Variants in FCAR observed in about 807,000 individuals in gnomAD.
FCAR encodes the protein Fc alpha receptor.
Under a neutral mutation model 27.1 loss-of-function variants are expected in FCAR, and 21 were observed. The observed-to-expected ratio is 0.77, with a 90% confidence interval of 0.55 to 1.11. FCAR has a LOEUF of 1.11. Among genes scored for constraint, FCAR ranks in the 50% most tolerant of loss-of-function variants. FCAR has a pLI of 0.00. For synonymous variants in FCAR, 134 were observed against 135.8 expected (o/e 0.99, Z 0.09); for missense variants, 404 against 358.4 (o/e 1.13, Z -1.03).
At chr19:54,876,440 T>C (rs1440347318) in intron 2 of FCAR, among the ~76,000 whole-genome samples, 2 of 152,206 alleles carry the variant, frequency 1.3e-5, no homozygotes, top group African/African-American at 2.4e-5. Context: ...CTTTTGCCCA[T>C]TCAATATGAT....
At chr19:54,880,118 G>A (rs1347856561) in intron 2 of FCAR, among the ~76,000 whole-genome samples, 1 of 152,192 alleles carries the variant, frequency 6.6e-6, no homozygotes, top group African/African-American at 2.4e-5. Flanking sequence ...TGACGTTGGG[G>A]AAGTTTTCAT....
intron 1 of FCAR, among the ~76,000 whole-genome samples, chr19:54,874,808 C>T (rs1250686361): frequency 1.3e-5 from 2 of 152,030 alleles, no homozygotes; most frequent in Non-Finnish European, 2.9e-5. Flanking sequence ...ATAATGTTGG[C>T]CTCATAGAAT....
chr19:54,889,812 G>A lies in FCAR; in HGVS notation c.813G>A (p.Gln271=), dbSNP rs2066978205. ...TGGCTGAACCGAGCTGGAGCCAACA[G>A]ATGTGTCAGCCAGGATTGACCTTTG... The part of the protein sequence containing the change: ...ADVAEPSWSQ[Q]MCQPGLTFAR... Residue 271 remains glutamine, a synonymous_variant, in exon 5 of 5, where the codon CAG becomes CAA. Transcript: ENST00000355524. 6.2e-7 allele frequency: 1 copy of A among 1,611,132 alleles called. No homozygotes were observed. Among genetic ancestry groups the A allele is most frequent in the African/African-American group, 1.3e-5 (1 of 75,044 alleles).
At chr19:54,887,947 G>T (rs74672836) in intron 3 of FCAR, 60 bp from the exon 4 acceptor site, 131,883 of 1,301,134 alleles carry the variant, frequency 0.1, 7,032 homozygotes, top group African/African-American at 0.13. Context: ...ACAATAATAA[G>T]AAGAAGAAAA....
Position 54,885,172 on chromosome 19 carries a change from G to A in FCAR, c.71-63G>A. 1 of 1,411,430 alleles carries A rather than the reference G, an allele frequency of 7.1e-7. No individual in the cohort carries two copies. Among genetic ancestry groups the A allele is most frequent in the Non-Finnish European group, 9.8e-7 (1 of 1,024,604 alleles). 87.4% of individuals were successfully genotyped at this position (1,411,430 alleles called of 1,614,324 possible). A position where few individuals can be genotyped will look rare whatever the true frequency, so the allele number is the denominator to read the frequency against. On this transcript the variant is annotated intron_variant, in intron 2 of 4. Transcript: ENST00000355524. ...CTAATGTATTTTTACTTCTCCCACA[G>A]AGAAGGAAAGGAATGGCTTCCCCAT... is the stretch of plus-strand genomic sequence containing the variant.
rs1318550102 is a variant in FCAR, at chr19:54,890,805, C to G, written c.*942C>G. 1 of 152,212 alleles carries G rather than the reference C, an allele frequency of 6.6e-6. No individual in the cohort carries two copies. Among genetic ancestry groups the G allele is most frequent in the East Asian group, 1.9e-4 (1 of 5,190 alleles). 9.4% of individuals were successfully genotyped at this position (152,212 alleles called of 1,614,324 possible). ...ATGCCAAATATATTCAATAACCCCCCTCCTTTATTTTTTTTTGTTGAAGTG... is the reference window on the plus strand; with the variant it reads ...ATGCCAAATATATTCAATAACCCCCGTCCTTTATTTTTTTTTGTTGAAGTG... On this transcript the variant is annotated 3_prime_UTR_variant, in exon 5 of 5. Coordinates refer to ENST00000355524, the MANE Select transcript of FCAR (RefSeq NM_002000.4).
At chr19:54,882,560 T>C (rs1439049155) in intron 2 of FCAR, among the ~76,000 whole-genome samples, 3 of 151,956 alleles carry the variant, frequency 2.0e-5, no homozygotes, top group African/African-American at 7.3e-5. Context: ...TGTCTCAGCC[T>C]CCTGAGTAGC....
intron 2 of FCAR, among the ~76,000 whole-genome samples, chr19:54,881,686 T>C (rs1457675557): frequency 1.3e-5 from 2 of 151,822 alleles, no homozygotes; most frequent in Non-Finnish European, 1.5e-5. Flanking sequence ...TCCTGGCTAA[T>C]CTGGTGAAAC....
At position 54,888,110 on chromosome 19, in the gene FCAR, A is replaced by G; in HGVS notation, c.465A>G (p.Arg155=). ...GCTCAGCACACATCCCATTTGATAG[A>G]TTTTCACTGGCCAAGGAGGGAGAAC... ...TCSSAHIPFD[R]FSLAKEGELS... is the part of the protein sequence containing the mutation. Residue 155 remains arginine (R), a synonymous_variant, in exon 4 of 5, where the codon AGA becomes AGG. Transcript: ENST00000355524. 1 of 1,614,074 alleles carries G rather than the reference A, an allele frequency of 6.2e-7. No individual in the cohort carries two copies. The highest frequency in any genetic ancestry group is 2.2e-5 in the East Asian group (1 of 44,888).
chr19:54,886,297 CTTTATT>C (rs2066719893), intron 3 of FCAR, among the ~76,000 whole-genome samples: 2 of 80,086 alleles, frequency 2.5e-5, no homozygotes, highest in Non-Finnish European at 2.2e-5. Context: ...TGTCATGTAT[CTTTATT>C]TTTTTTTTTT....
Position 54,890,095 on chromosome 19 carries a change from A to G in FCAR, c.*232A>G, listed in dbSNP as rs895490816. ...CAGCCTCCCAAGTAGCTGGAATTAC[A>G]GGCACATACCACTGCACCCAGCTAA... On this transcript the variant is annotated 3_prime_UTR_variant, in exon 5 of 5. Transcript: ENST00000355524. 3.5e-6 allele frequency: 2 copies of G among 577,882 alleles called. No homozygotes were observed. Among genetic ancestry groups the G allele is most frequent in the Non-Finnish European group, 6.2e-6 (2 of 324,208 alleles). The allele number at this position is 577,882 out of a possible 1,614,324, so 35.8% of individuals were successfully genotyped here. A position where few individuals can be genotyped will look rare whatever the true frequency, so the allele number is the denominator to read the frequency against.
intron 1 of FCAR, 27 bp downstream of exon 1, chr19:54,874,350 G>T: frequency 6.2e-7 from 1 of 1,612,734 alleles, no homozygotes; most frequent in East Asian, 2.2e-5. Flanking sequence ...AAGTGGGTTA[G>T]AGGGGAAGAT....
At position 54,885,337 on chromosome 19, in the gene FCAR, C is replaced by T. The variant is rs2066647898; in HGVS notation, c.173C>T (p.Thr58Ile). 6.2e-7 allele frequency: 1 copy of T among 1,614,010 alleles called. No homozygotes were observed. The highest frequency in any genetic ancestry group is 8.5e-7 in the Non-Finnish European group (1 of 1,179,978). ...QCQAIREAYL[T>I]QLMIIKNSTY... ...CAGGCCATTCGTGAAGCTTACCTGACCCAGCTGATGATCATAAAAAACTCC... is the reference window on the plus strand; with the variant it reads ...CAGGCCATTCGTGAAGCTTACCTGATCCAGCTGATGATCATAAAAAACTCC... The change falls in exon 3 of 5, where the codon ACC (threonine) becomes ATC (isoleucine). Residue 58 changes from threonine to isoleucine, a missense_variant. By Grantham distance (89) the Thr-to-Ile change is moderately conservative. Coordinates refer to ENST00000355524, the MANE Select transcript of FCAR (RefSeq NM_002000.4).
intron 2 of FCAR, among the ~76,000 whole-genome samples, chr19:54,879,743 G>A (rs962123859): frequency 3.3e-5 from 5 of 151,324 alleles, no homozygotes; most frequent in Admixed American, 2.6e-4. Context: ...GAGTGCAATG[G>A]CGTGATCTCG....
intron 2 of FCAR, among the ~76,000 whole-genome samples, chr19:54,878,278 T>A (rs954410932): frequency 7.2e-5 from 11 of 152,204 alleles, no homozygotes; most frequent in Non-Finnish European, 1.6e-4. Context: ...CATGAGGCAA[T>A]GAAAACAATG....
intron 3 of FCAR, among the ~76,000 whole-genome samples, chr19:54,887,035 G>C (rs1172973523): frequency 1.4e-5 from 1 of 72,508 alleles, no homozygotes; most frequent in Non-Finnish European, 3.1e-5. Context: ...ACTTTGGGAG[G>C]CTGGGCGCCG....
intron 2 of FCAR, among the ~76,000 whole-genome samples, 168 bp from the exon 3 acceptor site, chr19:54,885,067 A>G (rs1271213283): frequency 3.3e-5 from 5 of 151,998 alleles, no homozygotes; most frequent in Non-Finnish European, 7.4e-5. Context: ...CGGCCTCCCA[A>G]AGTGCTGGGA....
At chr19:54,888,555 T>C in intron 4 of FCAR, 1 of 1,283,048 alleles carries the variant, frequency 7.8e-7, no homozygotes. Context: ...ATTTATTTCA[T>C]TTTATTTTCC....
chr19:54,879,227 T>C (rs587750342), intron 2 of FCAR, among the ~76,000 whole-genome samples: 1 of 152,320 alleles, frequency 6.6e-6, no homozygotes, highest in East Asian at 1.9e-4. Flanking sequence ...TTAGGACAAT[T>C]AGTCCATTTA....
Sources: allele counts gnomAD v4.1 joint callset (sites outside exome capture counted in the v4.1 genomes callset), GRCh38; gene constraint gnomAD v4.1.1; transcripts MANE v1.5; gene names NCBI Gene and HGNC (gene_info 2026-07-23, HGNC 2026-07-21).